IL1RL2: variants seen among roughly 807,000 people sequenced by gnomAD.
IL1RL2 encodes interleukin 1 receptor like 2.
IL1RL2 carries 68 observed loss-of-function variants against 66.8 expected under a neutral mutation model. The ratio of observed to expected loss-of-function variants is 1.02; its 90% CI spans 0.84 to 1.25. The LOEUF (loss-of-function observed/expected upper bound fraction) is 1.25, where lower values mean the gene tolerates loss of function less well. Ranked by LOEUF, IL1RL2 falls within the 50% of genes most tolerant of loss-of-function variation. IL1RL2 has a pLI of 0.00. For synonymous variants in IL1RL2, 305 were observed against 264.6 expected (o/e 1.15, Z -1.48); for missense variants, 729 against 709.3 (o/e 1.03, Z -0.32).
At chr2:102,233,285 A>G (rs942222226) in intron 10 of IL1RL2, among the ~76,000 whole-genome samples, 161 bp downstream of exon 10, 1 of 151,704 alleles carries the variant, frequency 6.6e-6, no homozygotes. Flanking sequence ...GCCCCCAGCC[A>G]AGGAGGTTAG....
chr2:102,216,570 A>T (rs1372698513), intron 6 of IL1RL2, among the ~76,000 whole-genome samples: 1 of 152,088 alleles, frequency 6.6e-6, no homozygotes, highest in Admixed American at 6.5e-5. Flanking sequence ...ATCCATTTAC[A>T]TTCAAGATTA....
At chr2:102,202,454 G>GTATATTT (rs1348093782) in intron 5 of IL1RL2, among the ~76,000 whole-genome samples, 7 of 151,524 alleles carry the variant, frequency 4.6e-5, no homozygotes, top group African/African-American at 1.7e-4. Context: ...CATAATATGT[G>GTATATTT]TATATTTATA....
intron 5 of IL1RL2, among the ~76,000 whole-genome samples, chr2:102,206,460 G>T (rs1049865870): frequency 6.6e-6 from 1 of 152,260 alleles, no homozygotes; most frequent in Non-Finnish European, 1.5e-5. Context: ...CCTAAGCCCA[G>T]TAATGCTGTG....
rs77982286 is a variant in IL1RL2, at chr2:102,219,330, G to A, written c.854+248G>A. On this transcript the variant is annotated intron_variant, in intron 7 of 11. Coordinates refer to ENST00000264257, the MANE Select transcript of IL1RL2 (RefSeq NM_003854.4). ...CCATTCAGTTATATCATGAGCCATCGGCCTTCAAAGCTTAATGCCCCGGGC... is the reference window on the plus strand; with the variant it reads ...CCATTCAGTTATATCATGAGCCATCAGCCTTCAAAGCTTAATGCCCCGGGC... Among the ~76,000 whole-genome samples, 1,097 of 152,214 alleles carry A rather than the reference G, an allele frequency of 7.2e-3. 17 individuals are homozygous for A. The highest frequency in any genetic ancestry group is 0.025 in the African/African-American group (1,056 of 41,528).
At position 102,220,012 on chromosome 2, in the gene IL1RL2, TC is replaced by T; in HGVS notation, c.989del (p.Pro330GlnfsTer9). On this transcript the variant is annotated frameshift_variant, in exon 8 of 12. Coordinates refer to ENST00000264257, the MANE Select transcript of IL1RL2 (RefSeq NM_003854.4). LOFTEE classifies it high-confidence loss of function. The stretch of plus-strand genomic sequence containing the variant: ...TCCACAGCATACATTATATTACAGC[TC>T]CCAGGTAATACTCCAGTGGGTTACA... ...GVSTAYIILQ[L>X]PAPDFRAYLI... 1.2e-6 allele frequency: 2 copies of T among 1,609,120 alleles called. No homozygotes were observed. Among genetic ancestry groups the T allele is most frequent in the Non-Finnish European group, 1.7e-6 (2 of 1,175,974 alleles).
intron 9 of IL1RL2, among the ~76,000 whole-genome samples, chr2:102,230,324 A>T (rs1285616972): frequency 6.6e-6 from 1 of 152,240 alleles, no homozygotes; most frequent in Non-Finnish European, 1.5e-5. Flanking sequence ...ATGAAATTTC[A>T]CACAGAAAAG....
At chr2:102,202,728 G>T (rs375290786) in intron 5 of IL1RL2, among the ~76,000 whole-genome samples, 1 of 152,150 alleles carries the variant, frequency 6.6e-6, no homozygotes, top group African/African-American at 2.4e-5. Flanking sequence ...TTTGTATGCT[G>T]ATTTTGTATC....
At chr2:102,216,595 G>T (rs1689634202) in intron 6 of IL1RL2, among the ~76,000 whole-genome samples, 1 of 152,060 alleles carries the variant, frequency 6.6e-6, no homozygotes, top group African/African-American at 2.4e-5. Flanking sequence ...TGATTGGTAA[G>T]AACATGACTC....
At chr2:102,205,587 A>G (rs570418966) in intron 5 of IL1RL2, among the ~76,000 whole-genome samples, 1 of 152,206 alleles carries the variant, frequency 6.6e-6, no homozygotes, top group South Asian at 2.1e-4. Flanking sequence ...TTTCCACTGA[A>G]AAGTCTGCTG....
intron 4 of IL1RL2, among the ~76,000 whole-genome samples, chr2:102,199,323 C>T (rs1035179615): frequency 5.9e-5 from 9 of 152,176 alleles, no homozygotes; most frequent in African/African-American, 1.7e-4. Context: ...TTCTGATGCT[C>T]GTCTCCTCTT....
At chr2:102,242,676 G>A (rs1675258501), downstream of IL1RL2, among the ~76,000 whole-genome samples, 2 of 151,914 alleles carry the variant, frequency 1.3e-5, no homozygotes, top group South Asian at 4.1e-4. Context: ...CTGCTCTGGG[G>A]AAGGCTCACT....
rs1410120742 is a variant in IL1RL2 at position 102,225,894 on chromosome 2, G to T, written c.992-4G>T. On this transcript the variant is annotated splice_region_variant and splice_polypyrimidine_tract_variant and intron_variant, in intron 8 of 11. Transcript: ENST00000264257. ...TATTATTATTTTTTTGCTGTCATTT[G>T]TAGCTCCGGATTTTCGAGCTTACTT... 5 of 1,562,818 alleles carry T rather than the reference G, an allele frequency of 3.2e-6. No homozygotes were observed. The highest frequency in any genetic ancestry group is 2.3e-5 in the East Asian group (1 of 43,558).
intron 11 of IL1RL2, among the ~76,000 whole-genome samples, chr2:102,238,933 A>G (rs1005387365): frequency 2.0e-5 from 3 of 152,158 alleles, no homozygotes; most frequent in Non-Finnish European, 2.9e-5. Context: ...AGGACCTCAG[A>G]GCCCTGGCTC....
rs563526401 is a variant in IL1RL2 at position 102,235,727 on chromosome 2, G to T, written c.1678+450G>T. On this transcript the variant is annotated intron_variant, in intron 11 of 11. Transcript: ENST00000264257. ...AGGGTTGGCAAGGATAGCAGTATTT[G>T]TCCACGCCTGTCCAGTGTCTTCAGG... The T allele has an allele frequency of 1.9e-4, 186 of 985,414 alleles. No individual in the cohort carries two copies. The African/African-American group carries it at 3.1e-3, about 16-fold the overall frequency. The allele number at this position is 985,414 out of a possible 1,614,324, so 61.0% of individuals were successfully genotyped here. A position where few individuals can be genotyped will look rare whatever the true frequency, so the allele number is the denominator to read the frequency against.
intron 8 of IL1RL2, among the ~76,000 whole-genome samples, chr2:102,224,307 AG>A (rs575969624): frequency 7.9e-5 from 12 of 152,380 alleles, no homozygotes; most frequent in Non-Finnish European, 1.5e-4. Flanking sequence ...GCCAAGATGT[AG>A]AATCAACCTA....
In IL1RL2 at chr2:102,189,300, T is replaced by A. The variant is rs758127997; in HGVS notation, c.283T>A (p.Cys95Ser). The change falls in exon 3 of 12, where the codon TGT (cysteine) becomes AGT (serine). Residue 95 changes from cysteine to serine, a missense_variant. Coordinates refer to ENST00000264257, the MANE Select transcript of IL1RL2 (RefSeq NM_003854.4). The stretch of plus-strand genomic sequence containing the variant: ...ATGGGGGGACTCAGGAGTCTACCAA[T>A]GTGTTATAAAGTAAGTTCCTAATTT... Reference protein sequence around the residue: ...MEWGDSGVYQCVIKGRDSCHR... With the variant: ...MEWGDSGVYQSVIKGRDSCHR... The A allele has an allele frequency of 6.2e-7, 1 of 1,603,168 alleles. No individual in the cohort carries two copies. Among genetic ancestry groups the A allele is most frequent in the South Asian group, 1.1e-5 (1 of 90,602 alleles).
chr2:102,188,861 C>T (rs977484831), intron 2 of IL1RL2, among the ~76,000 whole-genome samples: 4 of 151,760 alleles, frequency 2.6e-5, no homozygotes, highest in East Asian at 1.9e-4. Context: ...GAGGAGGGAA[C>T]GGAGTAAATT....
rs1559529821 is a variant in IL1RL2 at position 102,195,583 on chromosome 2, TTCTTTCTTTC to T, written c.489+3465_489+3474del. 6.8e-3 allele frequency among the ~76,000 whole-genome samples: 102 copies of T among 15,054 alleles called. 2 individuals carry two copies. The highest frequency in any genetic ancestry group is 0.018 in the African/African-American group (98 of 5,492). The allele number at this position is 15,054 out of a possible 152,430, so 9.9% of individuals were successfully genotyped here. On this transcript the variant is annotated intron_variant, in intron 4 of 11. Transcript: ENST00000264257. Reference sequence around the variant, plus strand: ...TCTCTTTCTTTCTTTCTTTCTTTCTTTCTTTCTTTCTTTCTTTCTTTCTTTCTTTCTTTCT... The same window carrying T: ...TCTCTTTCTTTCTTTCTTTCTTTCTTTTTCTTTCTTTCTTTCTTTCTTTCT...
chr2:102,202,747 T>G (rs1688373851), intron 5 of IL1RL2, among the ~76,000 whole-genome samples: 1 of 152,238 alleles, frequency 6.6e-6, no homozygotes, highest in South Asian at 2.1e-4. Flanking sequence ...TCCAGCAACT[T>G]CACTGAATTT....
Sources: gnomAD v4.1 joint callset for allele counts (sites outside exome capture counted in the v4.1 genomes callset) on GRCh38, gnomAD v4.1.1 for gene constraint, MANE v1.5 for transcripts, NCBI Gene and HGNC (gene_info 2026-07-23, HGNC 2026-07-21) for gene names.